The following KCNH7 variants were observed in gnomAD, a reference collection of about 807,000 sequenced individuals.
The protein encoded by KCNH7 is voltage-gated inwardly rectifying potassium channel KCNH7.
A neutral mutation model predicts 120.8 loss-of-function variants in KCNH7; 49 were observed. The ratio of observed to expected loss-of-function variants is 0.41; its 90% CI spans 0.32 to 0.51. The LOEUF (loss-of-function observed/expected upper bound fraction) is 0.51. Among genes scored for constraint, KCNH7 ranks in the 20% least tolerant of loss-of-function variants. The pLI is 0.38. For synonymous variants in KCNH7, 547 were observed against 516.1 expected, an observed-to-expected ratio of 1.06 and a Z score of -0.81; for missense variants, 1,097 against 1,446.6, an observed-to-expected ratio of 0.76 and a Z score of 3.92.
intron 2 of KCNH7, among the ~76,000 whole-genome samples, chr2:162,684,172 TC>T: frequency 6.6e-6 from 1 of 152,068 alleles, no homozygotes; most frequent in African/African-American, 2.4e-5. Flanking sequence ...CTGGACCCCT[TC>T]CTTACCCCTT....
At chr2:162,723,440 A>G (rs956976339) in intron 2 of KCNH7, among the ~76,000 whole-genome samples, 2 of 152,224 alleles carry the variant, frequency 1.3e-5, no homozygotes, top group African/African-American at 2.4e-5. Flanking sequence ...AATATTATTC[A>G]GCCAGAAAGA....
At position 162,686,155 on chromosome 2, in the gene KCNH7, T is replaced by G. The variant is rs981641954; in HGVS notation, c.308-149075A>C. Among the ~76,000 whole-genome samples, 5 of 152,234 alleles carry G rather than the reference T, an allele frequency of 3.3e-5. No individual in the cohort carries two copies. In the South Asian group the frequency reaches 1.0e-3, roughly 32 times the overall value. Reference sequence around the variant, plus strand: ...GGGTATAAAACGTTTCTCCTAAGATTTTGCTGTCATCCTATATAGTTCTCT... The same window carrying G: ...GGGTATAAAACGTTTCTCCTAAGATGTTGCTGTCATCCTATATAGTTCTCT... On this transcript the variant is annotated intron_variant, in intron 2 of 15. Coordinates refer to ENST00000332142, the MANE Select transcript of KCNH7 (RefSeq NM_033272.4).
intron 9 of KCNH7, among the ~76,000 whole-genome samples, chr2:162,410,490 A>G (rs532460315): frequency 3.0e-4 from 46 of 152,052 alleles, no homozygotes; most frequent in Non-Finnish European, 5.9e-4. Context: ...AAGAAAGCCT[A>G]TGAAATGACA....
intron 2 of KCNH7, among the ~76,000 whole-genome samples, chr2:162,760,666 G>A (rs1004562524): frequency 8.6e-5 from 13 of 152,022 alleles, no homozygotes; most frequent in Non-Finnish European, 1.5e-4. Context: ...ATCAAAAGTA[G>A]TGAATCACTT....
chr2:162,600,468 C>T (rs1694515720), intron 2 of KCNH7, among the ~76,000 whole-genome samples: 1 of 152,036 alleles, frequency 6.6e-6, no homozygotes, highest in African/African-American at 2.4e-5. Context: ...TTATGATTTT[C>T]TAAACAGCAG....
intron 2 of KCNH7, among the ~76,000 whole-genome samples, chr2:162,810,839 G>C (rs1684709905): frequency 6.6e-6 from 1 of 151,964 alleles, no homozygotes; most frequent in Non-Finnish European, 1.5e-5. Flanking sequence ...TAGTGTCCTA[G>C]TTTATCTTAA....
chr2:162,636,914 A>G (rs559619840), intron 2 of KCNH7, among the ~76,000 whole-genome samples: 10 of 152,170 alleles, frequency 6.6e-5, no homozygotes, highest in Non-Finnish European at 8.8e-5. Context: ...CAGTTATTCA[A>G]TCTGTTTCTT....
chr2:162,698,132 T>C (rs1686359538), intron 2 of KCNH7, among the ~76,000 whole-genome samples: 1 of 152,168 alleles, frequency 6.6e-6, no homozygotes, highest in African/African-American at 2.4e-5. Flanking sequence ...ACCTTGAGTC[T>C]GCTATTCTCC....
intron 2 of KCNH7, among the ~76,000 whole-genome samples, chr2:162,653,037 A>G (rs1163059906): frequency 1.3e-5 from 2 of 152,178 alleles, no homozygotes; most frequent in Admixed American, 1.3e-4. Flanking sequence ...ACCCAGAGTT[A>G]TAATTCCATT....
intron 6 of KCNH7, among the ~76,000 whole-genome samples, chr2:162,473,079 G>C (rs534644525): frequency 1.4e-4 from 22 of 152,032 alleles, no homozygotes; most frequent in Non-Finnish European, 2.8e-4. Flanking sequence ...TGTGGGGTAG[G>C]GGGAGAGGGG....
intron 7 of KCNH7, among the ~76,000 whole-genome samples, chr2:162,443,756 C>T (rs1688496500): frequency 6.6e-6 from 1 of 152,164 alleles, no homozygotes; most frequent in African/African-American, 2.4e-5. Flanking sequence ...AGTATCATTC[C>T]TGTTCCAAAG....
intron 2 of KCNH7, among the ~76,000 whole-genome samples, chr2:162,747,285 G>T (rs1007749690): frequency 6.6e-6 from 1 of 152,088 alleles, no homozygotes; most frequent in Non-Finnish European, 1.5e-5. Context: ...TTAAATGGGG[G>T]TTAGGTTTTG....
At chr2:162,437,104 G>C (rs1442904926) in intron 7 of KCNH7, among the ~76,000 whole-genome samples, 1 of 152,132 alleles carries the variant, frequency 6.6e-6, no homozygotes, top group Non-Finnish European at 1.5e-5. Context: ...CTGGGCAACA[G>C]AGCAAGACCC....
intron 2 of KCNH7, among the ~76,000 whole-genome samples, chr2:162,593,918 T>C (rs1559034637): frequency 1.3e-5 from 2 of 151,986 alleles, no homozygotes; most frequent in African/African-American, 4.8e-5. Flanking sequence ...ATGTTGCATA[T>C]TCTCATTCTA....
chr2:162,423,471 A>C lies in KCNH7; in HGVS notation c.2019T>G (p.Thr673=). The change falls in exon 9 of 16, where the codon ACT becomes ACG. Residue 673 remains threonine (T), a synonymous_variant. Coordinates refer to ENST00000332142, the MANE Select transcript of KCNH7 (RefSeq NM_033272.4). ...GCAGCATCTGCATGTGGTACCTGGC[A>C]GTTCCCGAGTATAGTCTTTGGATAA... ...SAIIQRLYSG[T]ARYHMQMLRV... 1 of 1,614,148 alleles carries C rather than the reference A, an allele frequency of 6.2e-7. No individual in the cohort carries two copies. The highest frequency in any genetic ancestry group is 8.5e-7 in the Non-Finnish European group (1 of 1,179,976).
intron 2 of KCNH7, among the ~76,000 whole-genome samples, chr2:162,653,573 T>C (rs965845804): frequency 6.6e-6 from 1 of 152,070 alleles, no homozygotes; most frequent in Middle Eastern, 3.4e-3. Context: ...ATGACATAAA[T>C]CAATAGAAAT....
rs148356133 is a variant in KCNH7, at chr2:162,518,537, G to C, written c.464-379C>G. ...ATGATCTAAGGCATCATAAGTCCAG[G>C]GATAGACACAGGAGTGAGTATAGCC... On this transcript the variant is annotated intron_variant, in intron 3 of 15. Coordinates refer to ENST00000332142, the MANE Select transcript of KCNH7 (RefSeq NM_033272.4). Among the ~76,000 whole-genome samples, 869 of 151,908 alleles carry C rather than the reference G, an allele frequency of 5.7e-3. 2 individuals are homozygous for C. The highest frequency in any genetic ancestry group is 0.017 in the Middle Eastern group (5 of 294).
chr2:162,728,873 C>T (rs1282441777), intron 2 of KCNH7, among the ~76,000 whole-genome samples: 1 of 152,018 alleles, frequency 6.6e-6, no homozygotes, highest in Non-Finnish European at 1.5e-5. Context: ...AACATCTTTG[C>T]TTAATGCAAA....
chr2:162,483,393 T>C (rs947059743), intron 6 of KCNH7, among the ~76,000 whole-genome samples: 1 of 152,150 alleles, frequency 6.6e-6, no homozygotes, highest in Non-Finnish European at 1.5e-5. Flanking sequence ...TTTTGCTACA[T>C]GGTCTTTTGA....
Sources: allele counts gnomAD v4.1 joint callset (sites outside exome capture counted in the v4.1 genomes callset), GRCh38; gene constraint gnomAD v4.1.1; transcripts MANE v1.5; gene names NCBI Gene and HGNC (gene_info 2026-07-23, HGNC 2026-07-21).